The following PPP2R2B variants were observed in gnomAD, a reference collection of about 807,000 sequenced individuals.
PPP2R2B encodes the protein serine/threonine-protein phosphatase 2A 55 kDa regulatory subunit B beta isoform.
In PPP2R2B, 5 loss-of-function variants were observed where a neutral mutation model predicts 46.0. That is an observed-to-expected ratio of 0.11 (90% CI 0.06 to 0.23). The LOEUF is 0.23. Ranked by LOEUF, PPP2R2B falls within the 10% of genes least tolerant of loss-of-function variation. The pLI, the probability that PPP2R2B is intolerant of heterozygous loss-of-function variation, is 1.00. For synonymous variants in PPP2R2B, 215 were observed against 206.7 expected (o/e 1.04, Z -0.34); for missense variants, 367 against 575.0 (o/e 0.64, Z 3.70).
intron 1 of PPP2R2B, among the ~76,000 whole-genome samples, chr5:146,993,134 G>C (rs371088468): frequency 5.9e-5 from 9 of 151,968 alleles, no homozygotes; most frequent in African/African-American, 2.2e-4. Context: ...GTAGAGACAG[G>C]GTTTCACCAT....
At chr5:146,726,814 A>G (rs1000465873) in intron 2 of PPP2R2B, among the ~76,000 whole-genome samples, 2 of 152,176 alleles carry the variant, frequency 1.3e-5, no homozygotes, top group Admixed American at 1.3e-4. Context: ...ATGTTCATAA[A>G]TGCTCCTGGG....
intron 5 of PPP2R2B, among the ~76,000 whole-genome samples, chr5:146,677,306 A>G (rs966674216): frequency 3.3e-5 from 5 of 152,196 alleles, no homozygotes; most frequent in African/African-American, 1.2e-4. Context: ...AAATAATGAG[A>G]GGAAGTGAGA....
At chr5:146,980,021 C>T (rs1009451620) in intron 1 of PPP2R2B, among the ~76,000 whole-genome samples, 6 of 151,814 alleles carry the variant, frequency 4.0e-5, no homozygotes, top group East Asian at 1.9e-4. Flanking sequence ...TTTTCATCTT[C>T]GAGATATCCA....
intron 1 of PPP2R2B, among the ~76,000 whole-genome samples, chr5:146,909,184 A>G (rs1401239765): frequency 6.6e-6 from 1 of 152,172 alleles, no homozygotes; most frequent in Non-Finnish European, 1.5e-5. Flanking sequence ...ACACTGAGGA[A>G]TTAAGAGACT....
rs1221573874 is a variant in PPP2R2B at position 147,012,115 on chromosome 5, C to T, written c.79+43550G>A. 2.0e-5 allele frequency among the ~76,000 whole-genome samples: 3 copies of T among 150,146 alleles called. No individual in the cohort carries two copies. The East Asian group carries it at 5.8e-4, about 29-fold the overall frequency. ...CATAAAATGAGTTAGGGAGGATTCCCTCTTTTTCTATTGATTGGAATAGTT... is the reference window on the plus strand; with the variant it reads ...CATAAAATGAGTTAGGGAGGATTCCTTCTTTTTCTATTGATTGGAATAGTT... On this transcript the variant is annotated intron_variant, in intron 1 of 8. Coordinates refer to the PPP2R2B transcript ENST00000336640.
intron 7 of PPP2R2B, among the ~76,000 whole-genome samples, chr5:146,619,541 A>G (rs1370173744): frequency 6.6e-6 from 1 of 152,224 alleles, no homozygotes; most frequent in African/African-American, 2.4e-5. Context: ...CCATGCAGAA[A>G]TGGGGCTCCA....
intron 2 of PPP2R2B, among the ~76,000 whole-genome samples, chr5:146,772,610 G>C (rs1273778038): frequency 6.6e-6 from 1 of 151,820 alleles, no homozygotes. Context: ...TTAGTGGAAT[G>C]CATTCCACTA....
chr5:146,786,540 G>A (rs1755848894), intron 2 of PPP2R2B, among the ~76,000 whole-genome samples: 1 of 152,142 alleles, frequency 6.6e-6, no homozygotes, highest in African/African-American at 2.4e-5. Context: ...TGTTCATGGG[G>A]GCCAGGTTAC....
At chr5:146,723,397 G>A (rs570945425) in intron 2 of PPP2R2B, among the ~76,000 whole-genome samples, 4 of 152,174 alleles carry the variant, frequency 2.6e-5, no homozygotes, top group South Asian at 4.2e-4. Flanking sequence ...CATAAAAGTC[G>A]GAATACTGAT....
intron 2 of PPP2R2B, among the ~76,000 whole-genome samples, chr5:146,796,288 G>A (rs1256451527): frequency 1.3e-5 from 2 of 152,082 alleles, no homozygotes; most frequent in African/African-American, 2.4e-5. Context: ...TCTGTTCCTC[G>A]AGTCATCACA....
At chr5:146,882,250 A>G (rs1191621320), upstream of PPP2R2B, among the ~76,000 whole-genome samples, 5 of 151,626 alleles carry the variant, frequency 3.3e-5, no homozygotes, top group African/African-American at 1.2e-4. Flanking sequence ...TGGGAGACAG[A>G]GCAAGACTCC....
Position 146,629,430 on chromosome 5 carries a change from A to G in PPP2R2B, c.790+8821T>C, listed in dbSNP as rs1158252311. Among the ~76,000 whole-genome samples, 5 of 152,100 alleles carry G rather than the reference A, an allele frequency of 3.3e-5. 1 individual carries two copies. Among genetic ancestry groups the G allele is most frequent in the Non-Finnish European group, 7.4e-5 (5 of 68,014 alleles). ...TCCTAAGGTGATCCTGAATCTGCCC[A>G]CTTACCACTACTTCACTGTGCCCAC... On this transcript the variant is annotated intron_variant, in intron 7 of 9. Coordinates refer to ENST00000394411, the MANE Select transcript of PPP2R2B (RefSeq NM_181675.4).
At chr5:146,781,450 G>A (rs559017423) in intron 2 of PPP2R2B, among the ~76,000 whole-genome samples, 47 of 151,218 alleles carry the variant, frequency 3.1e-4, no homozygotes, top group Admixed American at 2.8e-3. Flanking sequence ...GTAGTCACTC[G>A]ACCACCTGGA....
intron 7 of PPP2R2B, among the ~76,000 whole-genome samples, chr5:146,620,437 G>A (rs1773582903): frequency 6.6e-6 from 1 of 152,232 alleles, no homozygotes; most frequent in Non-Finnish European, 1.5e-5. Context: ...GCAGCCGTAA[G>A]GGAGGCGGCT....
intron 1 of PPP2R2B, among the ~76,000 whole-genome samples, chr5:147,010,620 C>T (rs1307406756): frequency 6.6e-6 from 1 of 152,142 alleles, no homozygotes; most frequent in Non-Finnish European, 1.5e-5. Context: ...GGAGGTGGAG[C>T]TCAGGCAGTA....
At chr5:147,050,442 A>T (rs1756753961) in intron 1 of PPP2R2B, among the ~76,000 whole-genome samples, 1 of 152,136 alleles carries the variant, frequency 6.6e-6, no homozygotes. Flanking sequence ...TGAGAAGAGA[A>T]TTTCAAACAC....
chr5:146,711,804 G>A lies in PPP2R2B; in HGVS notation c.71-10662C>T, dbSNP rs149007853. On this transcript the variant is annotated intron_variant, in intron 2 of 9. Transcript: ENST00000394411. ...TTAGAGGACTGGGAGGTAATGGGAG[G>A]TTGGGATACAAGTACAATGTTGGGG... Among the ~76,000 whole-genome samples, 337 of 152,290 alleles carry A rather than the reference G, an allele frequency of 2.2e-3. 1 individual carries two copies. Among genetic ancestry groups the A allele is most frequent in the African/African-American group, 7.5e-3 (313 of 41,554 alleles).
At chr5:147,026,375 C>T (rs1755527780) in intron 1 of PPP2R2B, among the ~76,000 whole-genome samples, 1 of 152,018 alleles carries the variant, frequency 6.6e-6, no homozygotes, top group Non-Finnish European at 1.5e-5. Flanking sequence ...AAAATACATA[C>T]TCTATGAGTT....
intron 1 of PPP2R2B, among the ~76,000 whole-genome samples, chr5:146,994,787 G>A (rs1255435330): frequency 6.6e-6 from 1 of 152,194 alleles, no homozygotes; most frequent in East Asian, 1.9e-4. Context: ...TTACTTTAAT[G>A]TATCATATAC....
Sources: allele counts gnomAD v4.1 joint callset (sites outside exome capture counted in the v4.1 genomes callset), GRCh38; gene constraint gnomAD v4.1.1; transcripts MANE v1.5; gene names NCBI Gene and HGNC (gene_info 2026-07-23, HGNC 2026-07-21).